MTNAP1: variants seen among roughly 807,000 people sequenced by gnomAD.
MTNAP1 encodes mitochondrial nucleoid associated protein 1, also known as mitochondrial nucleoid-associated protein 1.
the MTNAP1 span, chr17:73,245,746 C>T: frequency 1.0e-6 from 1 of 983,090 alleles, no homozygotes; most frequent in African/African-American, 1.8e-5. Context: ...CGAAAAAAAG[C>T]TTACAAATAT....
chr17:73,247,258 C>G, the MTNAP1 span: 2 of 1,614,190 alleles, frequency 1.2e-6, no homozygotes, highest in African/African-American at 2.7e-5. Context: ...GTGCCGACCC[C>G]TGCCCTGGAA....
the MTNAP1 span, among the ~76,000 whole-genome samples, chr17:73,245,970 T>G: frequency 1.3e-5 from 2 of 152,110 alleles, no homozygotes. Context: ...GCTGGTGGGT[T>G]TTCTGTGTCT....
chr17:73,246,050 A>G, the MTNAP1 span, among the ~76,000 whole-genome samples: 1 of 152,082 alleles, frequency 6.6e-6, no homozygotes, highest in Non-Finnish European at 1.5e-5. Flanking sequence ...AGTAACTTGG[A>G]TACTTACAGG....
the MTNAP1 span, chr17:73,243,095 T>TTTTTTGTTTTTTTTTTG: frequency 1.1e-6 from 1 of 936,778 alleles, no homozygotes. Flanking sequence ...TTTTTTTTTT[T>TTTTTTGTTTTTTTTTTG]TTTTTTACAG....
At chr17:73,237,141 C>T in the MTNAP1 span, 1 of 903,788 alleles carries the variant, frequency 1.1e-6, no homozygotes, top group African/African-American at 1.7e-5. Flanking sequence ...ATAAAGTTGT[C>T]CTGAAAGAGG....
At chr17:73,235,699 GAGAATGAAGAA>G in the MTNAP1 span, 2 of 1,614,138 alleles carry the variant, frequency 1.2e-6, no homozygotes, top group Non-Finnish European at 1.7e-6. Flanking sequence ...GTTAGAGACA[GAGAATGAAGAA>G]AGAAATTCTA....
the MTNAP1 span, chr17:73,235,498 C>T: frequency 6.2e-7 from 1 of 1,610,544 alleles, no homozygotes; most frequent in Non-Finnish European, 8.5e-7. Flanking sequence ...TGATAATCCA[C>T]CCAGAATGGA....
chr17:73,235,336 A>C, the MTNAP1 span: 2 of 665,478 alleles, frequency 3.0e-6, no homozygotes, highest in Non-Finnish European at 4.9e-6. Flanking sequence ...ATACTCATAT[A>C]ATGACTAGTT....
the MTNAP1 span, among the ~76,000 whole-genome samples, chr17:73,237,235 A>G: frequency 6.6e-6 from 1 of 152,110 alleles, no homozygotes; most frequent in African/African-American, 2.4e-5. Context: ...TTCAGGAGTT[A>G]AGACCAGCCT....
At chr17:73,233,561 C>T in the MTNAP1 span, among the ~76,000 whole-genome samples, 1 of 152,222 alleles carries the variant, frequency 6.6e-6, no homozygotes, top group African/African-American at 2.4e-5. Flanking sequence ...AGAATGATGG[C>T]TCACGCCTGT....
At chr17:73,238,802 A>C in the MTNAP1 span, among the ~76,000 whole-genome samples, 1 of 152,198 alleles carries the variant, frequency 6.6e-6, no homozygotes. Context: ...GTTGCCAATA[A>C]ATAGTAGAGC....
chr17:73,248,435 A>G, the MTNAP1 span: 4 of 1,454,620 alleles, frequency 2.7e-6, no homozygotes, highest in Non-Finnish European at 3.8e-6. Flanking sequence ...GGAGGGGGTA[A>G]AAGTCGTGTT....
the MTNAP1 span, chr17:73,232,563 T>C: frequency 4.8e-6 from 2 of 419,922 alleles, no homozygotes; most frequent in African/African-American, 2.1e-5. Flanking sequence ...AGTATTTGAG[T>C]TGAATCCGTG....
chr17:73,235,511 T>C, the MTNAP1 span: 11 of 1,612,968 alleles, frequency 6.8e-6, no homozygotes, highest in South Asian at 3.3e-5. Context: ...AGAATGGAAG[T>C]GTGTCCTTAC....
At chr17:73,248,366 C>T in the MTNAP1 span, 9 of 855,136 alleles carry the variant, frequency 1.1e-5, no homozygotes, top group African/African-American at 1.5e-4. Context: ...ACGTCTCTAA[C>T]ATGATTTACC....
the MTNAP1 span, chr17:73,243,194 G>A: frequency 6.6e-6 from 4 of 609,668 alleles, no homozygotes; most frequent in African/African-American, 5.7e-5. Context: ...TGCTCTTGTT[G>A]CCCAGGCTGG....
chr17:73,235,527 G>A, the MTNAP1 span: 7 of 1,613,956 alleles, frequency 4.3e-6, no homozygotes, highest in Admixed American at 1.2e-4. Context: ...CTTACTGTAA[G>A]AAGCCATTTA....
the MTNAP1 span, chr17:73,242,347 A>G: frequency 1.3e-6 from 2 of 1,569,432 alleles, no homozygotes; most frequent in South Asian, 2.3e-5. Context: ...GAGCTGTACA[A>G]AAAGGTGAGG....
At chr17:73,241,218 A>C in the MTNAP1 span, among the ~76,000 whole-genome samples, 77,413 of 151,518 alleles carry the variant, frequency 0.51, 19,826 homozygotes, top group East Asian at 0.61. Context: ...AGTGCAGTGT[A>C]GCGATCTCTG....
Sources: gnomAD v4.1 joint callset for allele counts (sites outside exome capture counted in the v4.1 genomes callset) on GRCh38, gnomAD v4.1.1 for gene constraint, MANE v1.5 for transcripts, NCBI Gene and HGNC (gene_info 2026-07-23, HGNC 2026-07-21) for gene names.